Variants in MSL1 observed in about 807,000 individuals in gnomAD.
MSL1 encodes the protein male-specific lethal 1 homolog.
Under a neutral mutation model 64.6 loss-of-function variants are expected in MSL1, and 21 were observed. The observed-to-expected ratio is 0.33, with a 90% CI of 0.23 to 0.47. MSL1 has a LOEUF of 0.47. Ranked by LOEUF, MSL1 falls within the 20% of genes least tolerant of loss-of-function variation. MSL1 has a pLI of 1.00. For missense variants in MSL1, 664 were observed against 793.2 expected, an observed-to-expected ratio of 0.84 and a Z score of 1.96; for synonymous variants, 339 against 329.6, an observed-to-expected ratio of 1.03 and a Z score of -0.31.
intron 2 of MSL1, 131 bp from the exon 3 acceptor site, chr17:40,129,114 C>T (rs1988384772): frequency 1.4e-6 from 1 of 728,206 alleles, no homozygotes; most frequent in African/African-American, 1.8e-5. Flanking sequence ...GAGCACCAGA[C>T]ATTTAGGTAC....
intron 2 of MSL1, among the ~76,000 whole-genome samples, chr17:40,128,184 A>G (rs566518548): frequency 6.6e-6 from 1 of 151,982 alleles, no homozygotes; most frequent in African/African-American, 2.4e-5. Context: ...TGGTGGGGGA[A>G]GAAGGGAAGA....
Position 40,131,761 on chromosome 17 carries a change from A to C in MSL1, c.1423+177A>C. On this transcript the variant is annotated intron_variant, in intron 4 of 8. Transcript: ENST00000398532. This position sits in a 1 kb window ranked among gnomAD's most constrained non-coding sequence, Gnocchi z 4.5. The stretch of plus-strand genomic sequence containing the variant: ...AACAAATTTCAGTTGTTTTTCAGGA[A>C]CTGCTATAGCATCATTATATGAATT... The C allele has an allele frequency of 1.2e-5, 8 of 681,038 alleles. No homozygotes were observed. In the South Asian group the frequency reaches 1.4e-4, roughly 12 times the overall value. The allele number at this position is 681,038 out of a possible 1,614,324, so 42.2% of individuals were successfully genotyped here.
intron 2 of MSL1, 138 bp from the exon 3 acceptor site, chr17:40,129,107 C>G: frequency 2.9e-6 from 2 of 679,328 alleles, no homozygotes; most frequent in Non-Finnish European, 2.4e-6. Flanking sequence ...GCTAAATGAG[C>G]ACCAGACATT....
chr17:40,122,335 G>C lies in MSL1; in HGVS notation c.-278G>C. 1 of 197,264 alleles carries C rather than the reference G, an allele frequency of 5.1e-6. No individual in the cohort carries two copies. Among genetic ancestry groups the C allele is most frequent in the Non-Finnish European group, 1.0e-5 (1 of 98,780 alleles). The allele number at this position is 197,264 out of a possible 1,614,324, so 12.2% of individuals were successfully genotyped here. On this transcript the variant is annotated 5_prime_UTR_variant, in exon 1 of 9. Transcript: ENST00000398532. This position sits in a 1 kb window ranked among gnomAD's most constrained non-coding sequence, Gnocchi z 4.2. Reference sequence around the variant, plus strand: ...TGAGCTCGGGGGCGGCTGGGTGCGAGCTCCTGCCTCTGAGGCGAAGGCGGC... The same window carrying C: ...TGAGCTCGGGGGCGGCTGGGTGCGACCTCCTGCCTCTGAGGCGAAGGCGGC...
Position 40,122,304 on chromosome 17 carries a change from C to A in MSL1, c.-309C>A. ...GGCCAGGGGGGGCCGAAGCGAGCTC[C>A]GGGGATGAGCTCGGGGGCGGCTGGG... On this transcript the variant is annotated 5_prime_UTR_variant, in exon 1 of 9. Transcript: ENST00000398532. The surrounding 1 kb of genome is among the most constrained non-coding windows in gnomAD (Gnocchi z 4.2). The A allele has an allele frequency of 6.1e-6, 1 of 163,742 alleles. No homozygotes were observed. Among genetic ancestry groups the A allele is most frequent in the South Asian group, 1.8e-4 (1 of 5,566 alleles). 10.1% of individuals were successfully genotyped at this position (163,742 alleles called of 1,614,324 possible). A position where few individuals can be genotyped will look rare whatever the true frequency, so the allele number is the denominator to read the frequency against.
At position 40,128,369 on chromosome 17, in the gene MSL1, C is replaced by CTTTTTT. The variant is rs145183199; in HGVS notation, c.993-860_993-855dup. ...TGTTGGCTAAAGGACCTTGAATATT[C>CTTTTTT]TTTTTTTTTTTTTTTTTTTTTCTGA... On this transcript the variant is annotated intron_variant, in intron 2 of 8. Transcript: ENST00000398532. Among the ~76,000 whole-genome samples, 1,120 of 112,676 alleles carry CTTTTTT rather than the reference C, an allele frequency of 9.9e-3. 56 individuals are homozygous for CTTTTTT. Among genetic ancestry groups the CTTTTTT allele is most frequent in the African/African-American group, 0.037 (1,037 of 28,260 alleles). 73.9% of individuals were successfully genotyped at this position (112,676 alleles called of 152,430 possible).
At position 40,135,600 on chromosome 17, in the gene MSL1, T is replaced by C. The variant is rs1034375780; in HGVS notation, c.*1231T>C. ...CCTTAAAGAGAATATGTCCCCAGATTATTAGCACTTTTAGAGGAGAAGCCA... is the reference window on the plus strand; with the variant it reads ...CCTTAAAGAGAATATGTCCCCAGATCATTAGCACTTTTAGAGGAGAAGCCA... On this transcript the variant is annotated 3_prime_UTR_variant, in exon 9 of 9. Coordinates refer to ENST00000398532, the MANE Select transcript of MSL1 (RefSeq NM_001365919.1). 2.0e-5 allele frequency: 3 copies of C among 152,326 alleles called. No homozygotes were observed. Among genetic ancestry groups the C allele is most frequent in the African/African-American group, 7.2e-5 (3 of 41,430 alleles). The allele number at this position is 152,326 out of a possible 1,614,324, so 9.4% of individuals were successfully genotyped here.
chr17:40,129,350 G>C lies in MSL1; in HGVS notation c.1098G>C (p.Glu366Asp). 6.2e-7 allele frequency: 1 copy of C among 1,612,400 alleles called. No homozygotes were observed. The highest frequency in any genetic ancestry group is 8.5e-7 in the Non-Finnish European group (1 of 1,179,494). Residue 366 changes from glutamate (E) to aspartate (D), a missense_variant, in exon 3 of 9, where the codon GAG becomes GAC. Physicochemically the swap from Glu to Asp is conservative, Grantham distance 45. Coordinates refer to ENST00000398532, the MANE Select transcript of MSL1 (RefSeq NM_001365919.1). Reference protein sequence around the residue: ...TKTPKHSPIKEEPCGSLSETV... With the variant: ...TKTPKHSPIKDEPCGSLSETV... ...CTCCTAAGCACTCTCCTATTAAAGA[G>C]GAACCCTGTGGTTCCTTATCTGAAA...
Position 40,126,294 on chromosome 17 carries a change from A to C in MSL1, c.880A>C (p.Thr294Pro), listed in dbSNP as rs954422881. Residue 294 changes from threonine to proline, a missense_variant, in exon 2 of 9, where the codon ACA (threonine) becomes CCA (proline). Thr to Pro is a conservative substitution (Grantham distance 38, BLOSUM62 -1). Transcript: ENST00000398532. ...CTATGAAACTGAAGAGAGAGAGGAAACAGAGCTATCTGAGAAAATTAAACT... is the reference window on the plus strand; with the variant it reads ...CTATGAAACTGAAGAGAGAGAGGAACCAGAGCTATCTGAGAAAATTAAACT... ...QGYETEEREE[T>P]ELSEKIKLEC... 4.3e-6 allele frequency: 7 copies of C among 1,613,918 alleles called. No individual in the cohort carries two copies. The highest frequency in any genetic ancestry group is 5.9e-6 in the Non-Finnish European group (7 of 1,179,904).
intron 1 of MSL1, among the ~76,000 whole-genome samples, chr17:40,124,242 A>C (rs1262603068): frequency 6.6e-6 from 1 of 152,086 alleles, no homozygotes; most frequent in Non-Finnish European, 1.5e-5. Context: ...GGGGGGTATT[A>C]CTGTGCTAGC....
rs1477912895 is a variant in MSL1, at chr17:40,135,776, A to G, written c.*1407A>G. On this transcript the variant is annotated 3_prime_UTR_variant, in exon 9 of 9. Transcript: ENST00000398532. The stretch of plus-strand genomic sequence containing the variant: ...CTGTGCTTCCTGGATTTGACTTTTA[A>G]AGGAATTATTCTGGCAGCACATGTA... 6.6e-6 allele frequency: 1 copy of G among 152,194 alleles called. No homozygotes were observed. Among genetic ancestry groups the G allele is most frequent in the African/African-American group, 2.4e-5 (1 of 41,384 alleles). 9.4% of individuals were successfully genotyped at this position (152,194 alleles called of 1,614,324 possible).
chr17:40,124,461 G>A (rs1224328859), intron 1 of MSL1: 1 of 151,914 alleles, frequency 6.6e-6, no homozygotes, highest in Non-Finnish European at 1.5e-5. Flanking sequence ...AGCTGAGCAA[G>A]GGAGCAAGCG....
In MSL1 at chr17:40,132,677, T is replaced by C. The variant is rs377301611; in HGVS notation, c.1489-365T>C. On this transcript the variant is annotated intron_variant, in intron 5 of 8. Coordinates refer to ENST00000398532, the MANE Select transcript of MSL1 (RefSeq NM_001365919.1). ...AGCATGTACCCCTCAACCATAAAAT[T>C]ACATATTCCAAGCTCATTTGACTCT... is the stretch of plus-strand genomic sequence containing the variant. 7.9e-5 allele frequency among the ~76,000 whole-genome samples: 12 copies of C among 152,252 alleles called. No individual in the cohort carries two copies. In the East Asian group the frequency reaches 2.3e-3, roughly 29 times the overall value.
chr17:40,128,552 T>A (rs984216498), intron 2 of MSL1, among the ~76,000 whole-genome samples: 2 of 151,094 alleles, frequency 1.3e-5, no homozygotes, highest in Admixed American at 6.6e-5. Context: ...TTTTTGTATT[T>A]TTTTTTTTTA....
chr17:40,133,289 C>A (rs2145136554), intron 6 of MSL1, 180 bp downstream of exon 6: 2 of 736,162 alleles, frequency 2.7e-6, no homozygotes, highest in East Asian at 5.4e-5. Context: ...TTGCGGTAAA[C>A]ATGTTTGGCC....
rs1475222912 is a variant in MSL1 at position 40,129,591 on chromosome 17, C to T, written c.1339C>T (p.Arg447Trp). The change falls in exon 3 of 9, where the codon CGG becomes TGG. Residue 447 changes from arginine (R) to tryptophan (W), a missense_variant. By Grantham distance (101) the Arg-to-Trp change is moderately radical (BLOSUM62 -3). Transcript: ENST00000398532. Reference protein sequence around the residue: ...HQPPPSPLPLRESSPKKEETV... With the variant: ...HQPPPSPLPLWESSPKKEETV... The stretch of plus-strand genomic sequence containing the variant: ...GCCTCCCCCATCACCGTTACCATTA[C>T]GGGAATCCTCTCCAAAGAAGGAGGA... 5.6e-5 allele frequency: 91 copies of T among 1,611,284 alleles called. No individual in the cohort carries two copies. The highest frequency in any genetic ancestry group is 7.5e-5 in the Non-Finnish European group (88 of 1,178,836).
chr17:40,129,586 C>A lies in MSL1; in HGVS notation c.1334C>A (p.Pro445Gln), dbSNP rs746819259. 71 of 1,612,078 alleles carry A rather than the reference C, an allele frequency of 4.4e-5. No homozygotes were observed. The highest frequency in any genetic ancestry group is 5.4e-5 in the Non-Finnish European group (64 of 1,179,174). Residue 445 changes from proline to glutamine, a missense_variant, in exon 3 of 9, where the codon CCA (proline) becomes CAA (glutamine). Physicochemically the swap from Pro to Gln is moderately conservative, Grantham distance 76. This residue lies in a region of MSL1 where 119 missense variants were observed against 164.3 expected (regional missense o/e 0.72). Coordinates refer to ENST00000398532, the MANE Select transcript of MSL1 (RefSeq NM_001365919.1). ...CACCAGCCTCCCCCATCACCGTTAC[C>A]ATTACGGGAATCCTCTCCAAAGAAG... ...RWHQPPPSPL[P>Q]LRESSPKKEE... is the part of the protein sequence containing the mutation.
intron 2 of MSL1, among the ~76,000 whole-genome samples, chr17:40,128,643 A>C (rs1988375792): frequency 6.6e-6 from 1 of 151,382 alleles, no homozygotes; most frequent in Non-Finnish European, 1.5e-5. Context: ...TGGCCTTCCA[A>C]AGTGCTGGGA....
Position 40,122,521 on chromosome 17 carries a change from T to TC in MSL1, c.-88dup. On this transcript the variant is annotated 5_prime_UTR_variant, in exon 1 of 9. Coordinates refer to ENST00000398532, the MANE Select transcript of MSL1 (RefSeq NM_001365919.1). This position sits in a 1 kb window ranked among gnomAD's most constrained non-coding sequence, Gnocchi z 4.2. ...CGCTGCTGAGGCGAGCCCGCCAAACTCCCCTCCCCCCCCTCAGTCCTCGAC... is the reference window on the plus strand; with the variant it reads ...CGCTGCTGAGGCGAGCCCGCCAAACTCCCCCTCCCCCCCCTCAGTCCTCGAC... 3.4e-6 allele frequency: 3 copies of TC among 880,536 alleles called. No individual in the cohort carries two copies. The highest frequency in any genetic ancestry group is 5.3e-5 in the South Asian group (2 of 37,512). The allele number at this position is 880,536 out of a possible 1,614,324, so 54.5% of individuals were successfully genotyped here. A position where few individuals can be genotyped will look rare whatever the true frequency, so the allele number is the denominator to read the frequency against.
Sources: allele counts gnomAD v4.1 joint callset (sites outside exome capture counted in the v4.1 genomes callset), GRCh38; gene constraint gnomAD v4.1.1; regional missense constraint gnomAD v4.1.1; non-coding constraint Gnocchi (gnomAD v3.1); transcripts MANE v1.5; gene names NCBI Gene and HGNC (gene_info 2026-07-23, HGNC 2026-07-21).